Variants in SNAPC3 observed in about 807,000 individuals in gnomAD.
The protein encoded by SNAPC3 is snRNA-activating protein complex subunit 3.
In SNAPC3, 56 loss-of-function variants were observed where a neutral mutation model predicts 47.7. The observed-to-expected ratio is 1.18, with a 90% CI of 0.95 to 1.47. The LOEUF is 1.47. SNAPC3 is among the 40% of genes most tolerant of loss of function. SNAPC3 has a pLI of 0.00. For synonymous variants in SNAPC3, 235 were observed against 189.9 expected (o/e 1.24, Z -1.95); for missense variants, 665 against 511.3 (o/e 1.30, Z -2.90).
intron 3 of SNAPC3, among the ~76,000 whole-genome samples, chr9:15,442,496 G>A (rs539502615): frequency 2.4e-4 from 37 of 151,046 alleles, no homozygotes; most frequent in Non-Finnish European, 4.1e-4. Flanking sequence ...TTCTCAGACC[G>A]GGCGGCTGGG....
chr9:15,433,654 C>T lies in SNAPC3; in HGVS notation c.477+18C>T. ...ATGAGATGGTAATTAAGAGTCTCAT[C>T]TTTTTCACCCTTTTCTCTTAAAACA... On this transcript the variant is annotated intron_variant, in intron 3 of 8. Coordinates refer to ENST00000380821, the MANE Select transcript of SNAPC3 (RefSeq NM_001039697.2). 2 of 1,427,426 alleles carry T rather than the reference C, an allele frequency of 1.4e-6. No homozygotes were observed. 88.4% of individuals were successfully genotyped at this position (1,427,426 alleles called of 1,614,324 possible).
At chr9:15,436,091 G>A (rs1024595666) in intron 3 of SNAPC3, among the ~76,000 whole-genome samples, 1 of 152,082 alleles carries the variant, frequency 6.6e-6, no homozygotes, top group Non-Finnish European at 1.5e-5. Context: ...TGATCCATGC[G>A]CCTCGGTCTC....
In SNAPC3 at chr9:15,423,074, G is replaced by T. The variant is rs372657617; in HGVS notation, c.195G>T (p.Glu65Asp). 4.6e-6 allele frequency: 7 copies of T among 1,517,116 alleles called. No individual in the cohort carries two copies. The African/African-American group carries it at 1.0e-4, about 22-fold the overall frequency. 94.0% of individuals were successfully genotyped at this position (1,517,116 alleles called of 1,614,324 possible). ...GGGCCGGGGACTTGTCGCTGAGGGAGCCGCCGGCATCCGCTCTGCCTGGGA... is the reference window on the plus strand; with the variant it reads ...GGGCCGGGGACTTGTCGCTGAGGGATCCGCCGGCATCCGCTCTGCCTGGGA... ...LRGAGDLSLR[E>D]PPASALPGSQ... is the part of the protein sequence containing the mutation. The change falls in exon 1 of 9, where the codon GAG becomes GAT. Residue 65 changes from glutamate to aspartate, a missense_variant. Transcript: ENST00000380821.
intron 7 of SNAPC3, among the ~76,000 whole-genome samples, chr9:15,454,993 T>C (rs1182116236): frequency 6.6e-6 from 1 of 152,118 alleles, no homozygotes; most frequent in East Asian, 1.9e-4. Context: ...AATAGATTAA[T>C]AGCTACAAAA....
At chr9:15,453,750 A>G (rs537767920) in intron 7 of SNAPC3, among the ~76,000 whole-genome samples, 2 of 152,316 alleles carry the variant, frequency 1.3e-5, no homozygotes, top group Admixed American at 1.3e-4. Flanking sequence ...AAGGCTATTC[A>G]TTTCCTCTTT....
intron 7 of SNAPC3, among the ~76,000 whole-genome samples, chr9:15,454,427 TTAAA>T (rs761144602): frequency 7.2e-5 from 11 of 151,886 alleles, no homozygotes; most frequent in Non-Finnish European, 8.8e-5. Context: ...ACAGAATAGG[TTAAA>T]TAGACATAAA....
At chr9:15,443,905 G>GT (rs1259925996) in intron 3 of SNAPC3, among the ~76,000 whole-genome samples, 2 of 152,168 alleles carry the variant, frequency 1.3e-5, no homozygotes, top group Non-Finnish European at 2.9e-5. Context: ...CCTGATTGTT[G>GT]TAAGTGTCCC....
chr9:15,464,426 A>G (rs1180529759), downstream of SNAPC3: 2 of 198,420 alleles, frequency 1.0e-5, no homozygotes, highest in Non-Finnish European at 2.1e-5. Flanking sequence ...GCTATCCTTT[A>G]GTTAACATAC....
chr9:15,430,492 G>C (rs1400995021), intron 2 of SNAPC3, among the ~76,000 whole-genome samples: 3 of 152,044 alleles, frequency 2.0e-5, no homozygotes, highest in Non-Finnish European at 4.4e-5. Context: ...CAAAGTAAGT[G>C]AAAAGAAAAT....
chr9:15,447,509 T>C (rs2034036596), intron 5 of SNAPC3, among the ~76,000 whole-genome samples: 1 of 87,142 alleles, frequency 1.1e-5, no homozygotes, highest in African/African-American at 2.9e-5. Context: ...CACCTAATTT[T>C]CTTTTTTGTT....
chr9:15,462,451 T>C (rs2035285214), downstream of SNAPC3: 1 of 152,090 alleles, frequency 6.6e-6, no homozygotes, highest in African/African-American at 2.4e-5. Flanking sequence ...ATAAAACCCC[T>C]GATTTAAGAC....
rs766932417 is a variant in SNAPC3, at chr9:15,422,919, G to T, written c.40G>T (p.Val14Leu). ...CCGAGGTGGCCCTACGTGTAGCGGG[G>T]TGGGTGGCAGGCAGGACCCAGTCTC... ...GSRGGPTCSG[V>L]GGRQDPVSGS... Residue 14 changes from valine (V) to leucine (L), a missense_variant, in exon 1 of 9, where the codon GTG becomes TTG. By Grantham distance (32) the Val-to-Leu change is conservative (BLOSUM62 1). Transcript: ENST00000380821. The T allele has an allele frequency of 2.0e-6, 3 of 1,536,750 alleles. No homozygotes were observed. The highest frequency in any genetic ancestry group is 2.6e-6 in the Non-Finnish European group (3 of 1,142,834).
At chr9:15,445,248 A>G (rs1214841856) in intron 4 of SNAPC3, among the ~76,000 whole-genome samples, 1 of 152,256 alleles carries the variant, frequency 6.6e-6, no homozygotes, top group Non-Finnish European at 1.5e-5. Flanking sequence ...GTATTGAAAT[A>G]TATGCCTGAT....
chr9:15,432,464 G>T (rs573775778), intron 2 of SNAPC3, among the ~76,000 whole-genome samples: 1 of 152,174 alleles, frequency 6.6e-6, no homozygotes, highest in African/African-American at 2.4e-5. Context: ...TTCCGGGGAC[G>T]AGACAAGAAA....
intron 3 of SNAPC3, among the ~76,000 whole-genome samples, chr9:15,439,730 C>T (rs1487983531): frequency 6.6e-6 from 1 of 152,120 alleles, no homozygotes; most frequent in African/African-American, 2.4e-5. Context: ...GGCAGGGTTT[C>T]ACCATGTTGG....
At chr9:15,428,772 G>A (rs1416754355) in intron 2 of SNAPC3, among the ~76,000 whole-genome samples, 3 of 151,884 alleles carry the variant, frequency 2.0e-5, no homozygotes, top group Admixed American at 1.3e-4. Flanking sequence ...AAAGCAAGAG[G>A]CAATGAAGAA....
chr9:15,428,589 A>G (rs1305626505), intron 2 of SNAPC3, among the ~76,000 whole-genome samples: 1 of 152,152 alleles, frequency 6.6e-6, no homozygotes, highest in Non-Finnish European at 1.5e-5. Flanking sequence ...TTGAGGGTAT[A>G]AAAATGTTTA....
chr9:15,462,230 A>T (rs937697760), downstream of SNAPC3: 3 of 152,206 alleles, frequency 2.0e-5, no homozygotes, highest in African/African-American at 7.2e-5. Context: ...ATTCTTTATT[A>T]ATTATTTGAG....
downstream of SNAPC3, chr9:15,465,716 G>GT (rs1408490747): frequency 6.1e-6 from 4 of 650,962 alleles, no homozygotes; most frequent in African/African-American, 7.4e-5. Flanking sequence ...AACTTGACTT[G>GT]TTATTAGAAC....
Sources: allele counts gnomAD v4.1 joint callset (sites outside exome capture counted in the v4.1 genomes callset), GRCh38; gene constraint gnomAD v4.1.1; transcripts MANE v1.5; gene names NCBI Gene and HGNC (gene_info 2026-07-23, HGNC 2026-07-21).